The following HNF4G variants were observed in gnomAD, a reference collection of about 807,000 sequenced individuals.
HNF4G encodes the protein hepatocyte nuclear factor 4-gamma.
In HNF4G, 21 loss-of-function variants were observed where a neutral mutation model predicts 50.9. The observed-to-expected ratio is 0.41, with a 90% CI of 0.29 to 0.59. The LOEUF is 0.59. HNF4G is among the 20% of genes least tolerant of loss of function. The pLI, the probability that HNF4G is intolerant of heterozygous loss-of-function variation, is 0.26. For synonymous variants in HNF4G, 198 were observed against 185.6 expected, an observed-to-expected ratio of 1.07 and a Z score of -0.54; for missense variants, 527 against 559.4, an observed-to-expected ratio of 0.94 and a Z score of 0.58.
intron 1 of HNF4G, among the ~76,000 whole-genome samples, chr8:75,438,446 A>T (rs910054472): frequency 6.6e-6 from 1 of 152,192 alleles, no homozygotes; most frequent in Non-Finnish European, 1.5e-5. Context: ...TGTCCCTAAC[A>T]TCCAACCCTG....
chr8:75,495,700 G>A (rs558859178), intron 2 of HNF4G, among the ~76,000 whole-genome samples: 1 of 152,038 alleles, frequency 6.6e-6, no homozygotes, highest in East Asian at 1.9e-4. Flanking sequence ...ACCAGGCCTG[G>A]CTAATTTTTG....
chr8:75,501,252 C>A (rs1341745250), intron 2 of HNF4G, among the ~76,000 whole-genome samples: 3 of 151,700 alleles, frequency 2.0e-5, no homozygotes, highest in Non-Finnish European at 2.9e-5. Flanking sequence ...CCAGCCTGGG[C>A]AAGATAGGGA....
chr8:75,412,747 G>C (rs1810531221), intron 1 of HNF4G, among the ~76,000 whole-genome samples: 1 of 151,684 alleles, frequency 6.6e-6, no homozygotes, highest in Admixed American at 6.6e-5. Flanking sequence ...TCTTATTTCA[G>C]ACATCATAGT....
upstream of HNF4G, chr8:75,539,812 A>G: frequency 3.6e-6 from 2 of 550,346 alleles, no homozygotes; most frequent in Non-Finnish European, 6.6e-6. Context: ...GAAGAAGGTT[A>G]CAGTTTTACA....
intron 1 of HNF4G, among the ~76,000 whole-genome samples, chr8:75,473,347 T>A (rs940133470): frequency 1.3e-5 from 2 of 152,162 alleles, no homozygotes; most frequent in Admixed American, 1.3e-4. Flanking sequence ...GATTTATATG[T>A]GATACATACA....
At chr8:75,510,742 C>T (rs566901041) in intron 2 of HNF4G, among the ~76,000 whole-genome samples, 38 of 152,092 alleles carry the variant, frequency 2.5e-4, no homozygotes, top group African/African-American at 6.7e-4. Flanking sequence ...ATGATGTTTG[C>T]GCAACAATGA....
Position 75,529,264 on chromosome 8 carries a change from C to G in HNF4G, c.-23-14547C>G, listed in dbSNP as rs1460713463. 2.0e-5 allele frequency among the ~76,000 whole-genome samples: 3 copies of G among 151,968 alleles called. No homozygotes were observed. In the East Asian group the frequency reaches 5.8e-4, roughly 29 times the overall value. On this transcript the variant is annotated intron_variant, in intron 2 of 10. Coordinates refer to the HNF4G transcript ENST00000354370. ...TGAGATCGCGCCACTGCACTCCAGC[C>G]TGGGCAACGGAGCGAGGTTCTGTCT...
chr8:75,432,968 T>A (rs1299466976), intron 1 of HNF4G, among the ~76,000 whole-genome samples: 1 of 152,200 alleles, frequency 6.6e-6, no homozygotes, highest in Non-Finnish European at 1.5e-5. Context: ...GCTCTTTGAA[T>A]GAGCCATTTT....
chr8:75,525,582 C>T (rs1806155687), intron 2 of HNF4G, among the ~76,000 whole-genome samples: 1 of 152,164 alleles, frequency 6.6e-6, no homozygotes, highest in African/African-American at 2.4e-5. Context: ...CACCTCTAAG[C>T]CAGCTAGCTC....
chr8:75,455,986 C>T (rs1430421032), intron 1 of HNF4G, among the ~76,000 whole-genome samples: 1 of 152,056 alleles, frequency 6.6e-6, no homozygotes, highest in Non-Finnish European at 1.5e-5. Flanking sequence ...TCAGAGCTAG[C>T]TGCAACAAGT....
chr8:75,430,772 A>G (rs537381453), intron 1 of HNF4G, among the ~76,000 whole-genome samples: 15 of 152,306 alleles, frequency 9.8e-5, no homozygotes, highest in African/African-American at 3.6e-4. Context: ...GTCCCACATA[A>G]CTCTCATAGA....
intron 1 of HNF4G, among the ~76,000 whole-genome samples, chr8:75,410,743 AGTTATCCATGCAAATGAAACTGGGTAT>A (rs1810481258): frequency 6.6e-6 from 1 of 152,226 alleles, no homozygotes; most frequent in Non-Finnish European, 1.5e-5. Flanking sequence ...TCCTTTAAAA[AGTTATCCATGCAAATGAAACTGGGTAT>A]GTTGTTGAAA....
intron 4 of HNF4G, among the ~76,000 whole-genome samples, chr8:75,551,817 T>C (rs1230646596): frequency 1.3e-5 from 2 of 152,322 alleles, no homozygotes; most frequent in South Asian, 4.1e-4. Context: ...ATTGATGGAA[T>C]CTGTACAACC....
At chr8:75,458,451 G>T (rs779050822) in intron 1 of HNF4G, among the ~76,000 whole-genome samples, 1 of 146,920 alleles carries the variant, frequency 6.8e-6, no homozygotes, top group African/African-American at 2.5e-5. Context: ...GACACACTCA[G>T]ACTGATTTTC....
At chr8:75,520,903 T>A (rs1242317476) in intron 2 of HNF4G, among the ~76,000 whole-genome samples, 1 of 152,110 alleles carries the variant, frequency 6.6e-6, no homozygotes, top group Non-Finnish European at 1.5e-5. Context: ...AAAATTAATC[T>A]TTTTAATAAA....
At chr8:75,412,178 G>A (rs924147843) in intron 1 of HNF4G, among the ~76,000 whole-genome samples, 1 of 152,210 alleles carries the variant, frequency 6.6e-6, no homozygotes, top group Non-Finnish European at 1.5e-5. Context: ...GAATAAGAAA[G>A]AGAGTCTCTA....
intron 1 of HNF4G, among the ~76,000 whole-genome samples, chr8:75,484,399 A>AC (rs35247308): frequency 1.3e-5 from 2 of 152,000 alleles, no homozygotes; most frequent in Admixed American, 6.5e-5. Flanking sequence ...TTGTGGAAAC[A>AC]ACCTTTGAGT....
chr8:75,549,884 T>C (rs560565856), intron 3 of HNF4G, among the ~76,000 whole-genome samples: 2 of 152,174 alleles, frequency 1.3e-5, no homozygotes, highest in South Asian at 4.1e-4. Context: ...CTTGTGATAG[T>C]TTACTGAGAA....
intron 1 of HNF4G, among the ~76,000 whole-genome samples, chr8:75,443,442 T>G (rs759936101): frequency 6.6e-6 from 1 of 152,206 alleles, no homozygotes; most frequent in Non-Finnish European, 1.5e-5. Context: ...ATTAAAAGGA[T>G]AACAAGTTAT....
Sources: allele counts gnomAD v4.1 joint callset (sites outside exome capture counted in the v4.1 genomes callset), GRCh38; gene constraint gnomAD v4.1.1; transcripts MANE v1.5; gene names NCBI Gene and HGNC (gene_info 2026-07-23, HGNC 2026-07-21).